DCAF10: variants seen among roughly 807,000 people sequenced by gnomAD.
DCAF10 encodes the protein DDB1 and CUL4 associated factor 10.
In DCAF10, 19 loss-of-function variants were observed where a neutral mutation model predicts 51.9. The ratio of observed to expected loss-of-function variants is 0.37; its 90% CI spans 0.26 to 0.54. The LOEUF (loss-of-function observed/expected upper bound fraction) is 0.54, where lower values mean the gene tolerates loss of function less well. Ranked by LOEUF, DCAF10 falls within the 20% of genes least tolerant of loss-of-function variation. The pLI, the probability that DCAF10 is intolerant of heterozygous loss-of-function variation, is 0.87. For synonymous variants in DCAF10, 291 were observed against 297.1 expected (o/e 0.98, Z 0.21); for missense variants, 510 against 730.6 (o/e 0.70, Z 3.48).
intron 2 of DCAF10, among the ~76,000 whole-genome samples, chr9:37,824,717 C>A (rs1829803865): frequency 6.6e-6 from 1 of 151,776 alleles, no homozygotes; most frequent in African/African-American, 2.4e-5. Flanking sequence ...TTATCTGTTG[C>A]TCTATTGATA....
intron 2 of DCAF10, among the ~76,000 whole-genome samples, chr9:37,831,823 T>C (rs7030410): frequency 0.19 from 29,165 of 152,042 alleles, 3,205 homozygotes; most frequent in African/African-American, 0.29. Context: ...GTGGCCGGCA[T>C]CTGTAATCCC....
At position 37,854,716 on chromosome 9, in the gene DCAF10, G is replaced by A. The variant is rs548508246; in HGVS notation, c.852-64G>A. Reference sequence around the variant, plus strand: ...TTTTATTTTGAAGGGCAAAAAATATGATTATTACTGAACCGTTATATTTAT... The same window carrying A: ...TTTTATTTTGAAGGGCAAAAAATATAATTATTACTGAACCGTTATATTTAT... On this transcript the variant is annotated intron_variant, in intron 3 of 6. Transcript: ENST00000377724. 2,882 of 1,473,064 alleles carry A rather than the reference G, an allele frequency of 2.0e-3. 13 individuals are homozygous for A. Among genetic ancestry groups the A allele is most frequent in the Non-Finnish European group, 2.4e-3 (2,595 of 1,081,500 alleles). 91.2% of individuals were successfully genotyped at this position (1,473,064 alleles called of 1,614,324 possible). A position where few individuals can be genotyped will look rare whatever the true frequency, so the allele number is the denominator to read the frequency against.
Position 37,865,639 on chromosome 9 carries a change from G to A in DCAF10, c.*4131G>A, listed in dbSNP as rs1051026948. 6.6e-6 allele frequency: 1 copy of A among 152,092 alleles called. No homozygotes were observed. The highest frequency in any genetic ancestry group is 1.5e-5 in the Non-Finnish European group (1 of 68,018). 9.4% of individuals were successfully genotyped at this position (152,092 alleles called of 1,614,324 possible). A position where few individuals can be genotyped will look rare whatever the true frequency, so the allele number is the denominator to read the frequency against. The stretch of plus-strand genomic sequence containing the variant: ...GGCAATGCTATGTTTAATGAGTTAG[G>A]GACATCAAATATATAGTAGTTCCTT... On this transcript the variant is annotated 3_prime_UTR_variant, in exon 7 of 7. Coordinates refer to ENST00000377724, the MANE Select transcript of DCAF10 (RefSeq NM_024345.5).
chr9:37,816,659 G>GGGGGGGGGGGTGTGTGTGTGTGTGTGTGT (rs372664140), intron 1 of DCAF10, among the ~76,000 whole-genome samples: 1 of 144,890 alleles, frequency 6.9e-6, no homozygotes, highest in Admixed American at 7.0e-5. Flanking sequence ...CTGCACCTGG[G>GGGGGGGGGGGTGTGTGTGTGTGTGTGTGT]GTGTGTGTGT....
At chr9:37,854,743 A>G (rs762813315) in intron 3 of DCAF10, 37 bp from the exon 4 acceptor site, 2 of 1,569,592 alleles carry the variant, frequency 1.3e-6, no homozygotes, top group East Asian at 4.5e-5. Context: ...TATATTTATG[A>G]TAACTCTAGA....
At chr9:37,858,681 A>G (rs936826041) in intron 5 of DCAF10, among the ~76,000 whole-genome samples, 1 of 152,200 alleles carries the variant, frequency 6.6e-6, no homozygotes, top group African/African-American at 2.4e-5. Context: ...AAGTTGCTCT[A>G]AATGTTGGAA....
At chr9:37,805,603 CA>C (rs1829089984) in intron 1 of DCAF10, among the ~76,000 whole-genome samples, 1 of 149,780 alleles carries the variant, frequency 6.7e-6, no homozygotes, top group Non-Finnish European at 1.5e-5. Context: ...AACCAAAAGA[CA>C]AGAAAGATTA....
intron 1 of DCAF10, among the ~76,000 whole-genome samples, chr9:37,813,863 ATC>A (rs1829426592): frequency 6.6e-6 from 1 of 151,916 alleles, no homozygotes; most frequent in Non-Finnish European, 1.5e-5. Flanking sequence ...TGAAAACACT[ATC>A]AAAATTTGTG....
chr9:37,855,014 T>C, intron 4 of DCAF10, 32 bp downstream of exon 4: 1 of 1,558,888 alleles, frequency 6.4e-7, no homozygotes, highest in Non-Finnish European at 8.7e-7. Context: ...AAAAAGATTT[T>C]TCTCGAGAAT....
At chr9:37,860,475 CCT>C in intron 6 of DCAF10, 1 of 299,632 alleles carries the variant, frequency 3.3e-6, no homozygotes, top group Non-Finnish European at 6.2e-6. Flanking sequence ...TTAAATCTTG[CCT>C]CTTTCATCTC....
At chr9:37,850,689 G>T (rs968612146) in intron 3 of DCAF10, among the ~76,000 whole-genome samples, 2 of 151,312 alleles carry the variant, frequency 1.3e-5, no homozygotes, top group African/African-American at 4.9e-5. Context: ...AGGAATAAAA[G>T]TTCAAGAGAT....
In DCAF10 at chr9:37,863,744, C is replaced by A. The variant is rs1230030273; in HGVS notation, c.*2236C>A. On this transcript the variant is annotated 3_prime_UTR_variant, in exon 7 of 7. Transcript: ENST00000377724. ...CCATAAGAAGAAAAGTATTTTAAATCTTACAGAAATGTTTAAACAACCCAA... is the reference window on the plus strand; with the variant it reads ...CCATAAGAAGAAAAGTATTTTAAATATTACAGAAATGTTTAAACAACCCAA... 6.6e-6 allele frequency: 1 copy of A among 152,140 alleles called. No individual in the cohort carries two copies. The highest frequency in any genetic ancestry group is 2.4e-5 in the African/African-American group (1 of 41,402). The allele number at this position is 152,140 out of a possible 1,614,324, so 9.4% of individuals were successfully genotyped here. A position where few individuals can be genotyped will look rare whatever the true frequency, so the allele number is the denominator to read the frequency against.
intron 1 of DCAF10, among the ~76,000 whole-genome samples, chr9:37,815,894 G>T (rs1564028222): frequency 6.6e-6 from 1 of 152,080 alleles, no homozygotes; most frequent in East Asian, 1.9e-4. Flanking sequence ...CCCTGACTCA[G>T]CTGATCCTCC....
At chr9:37,857,800 A>G (rs1830895837) in intron 5 of DCAF10, among the ~76,000 whole-genome samples, 1 of 152,156 alleles carries the variant, frequency 6.6e-6, no homozygotes, top group African/African-American at 2.4e-5. Context: ...GGTTTGTAGG[A>G]TAAAGTGAGC....
intron 1 of DCAF10, among the ~76,000 whole-genome samples, chr9:37,809,880 G>A (rs1356508874): frequency 2.6e-5 from 4 of 151,390 alleles, no homozygotes; most frequent in Admixed American, 2.0e-4. Flanking sequence ...GCCGTGCGCG[G>A]TGGCTCACGC....
At chr9:37,855,821 C>T (rs533332106) in intron 4 of DCAF10, among the ~76,000 whole-genome samples, 35 of 152,110 alleles carry the variant, frequency 2.3e-4, no homozygotes, top group African/African-American at 8.2e-4. Flanking sequence ...TCAAGGGTAG[C>T]CTGGGCAACA....
At chr9:37,827,635 T>C (rs1829891271) in intron 2 of DCAF10, among the ~76,000 whole-genome samples, 1 of 152,124 alleles carries the variant, frequency 6.6e-6, no homozygotes. Context: ...TAAACAGGTG[T>C]TCAGTTGGCT....
intron 1 of DCAF10, among the ~76,000 whole-genome samples, chr9:37,818,066 C>T (rs187606549): frequency 3.9e-5 from 6 of 151,940 alleles, no homozygotes; most frequent in African/African-American, 1.4e-4. Flanking sequence ...GATCTTGGCT[C>T]ACTGCAACCT....
intron 4 of DCAF10, among the ~76,000 whole-genome samples, chr9:37,856,244 T>C (rs1041213114): frequency 1.3e-5 from 2 of 152,240 alleles, no homozygotes; most frequent in Admixed American, 6.5e-5. Context: ...ACAGACATCA[T>C]TGTACTGCAG....
Sources: gnomAD v4.1 joint callset for allele counts (sites outside exome capture counted in the v4.1 genomes callset) on GRCh38, gnomAD v4.1.1 for gene constraint, MANE v1.5 for transcripts, NCBI Gene and HGNC (gene_info 2026-07-23, HGNC 2026-07-21) for gene names.